Variants in KCND3 observed in about 807,000 individuals in gnomAD.
KCND3 encodes potassium voltage-gated channel subfamily D member 3, also known as A-type voltage-gated potassium channel KCND3.
KCND3 carries 9 observed loss-of-function variants against 51.1 expected under a neutral mutation model. The ratio of observed to expected loss-of-function variants is 0.18; its 90% CI spans 0.11 to 0.31. The LOEUF is 0.31. Among genes scored for constraint, KCND3 ranks in the 10% least tolerant of loss-of-function variants. The pLI, the probability that KCND3 is intolerant of heterozygous loss-of-function variation, is 1.00. For synonymous variants in KCND3, 349 were observed against 368.0 expected (o/e 0.95, Z 0.59); for missense variants, 526 against 903.8 (o/e 0.58, Z 5.36).
intron 2 of KCND3, among the ~76,000 whole-genome samples, chr1:111,874,419 T>C: frequency 6.6e-6 from 1 of 152,152 alleles, no homozygotes. Flanking sequence ...GTTCTTTTCT[T>C]TGTTGTTTGG....
intron 6 of KCND3, among the ~76,000 whole-genome samples, 180 bp from the exon 7 acceptor site, chr1:111,777,453 A>G (rs1415380172): frequency 6.6e-6 from 1 of 152,218 alleles, no homozygotes; most frequent in Admixed American, 6.5e-5. Context: ...ATGAGGACAG[A>G]AAGAGAATCA....
chr1:111,976,475 A>G (rs1331123539), intron 2 of KCND3, among the ~76,000 whole-genome samples: 1 of 152,266 alleles, frequency 6.6e-6, no homozygotes, highest in Non-Finnish European at 1.5e-5. Flanking sequence ...ATCAAATGAG[A>G]AAACTAAAGC....
At chr1:111,902,141 T>G (rs943844561) in intron 2 of KCND3, among the ~76,000 whole-genome samples, 2 of 152,038 alleles carry the variant, frequency 1.3e-5, no homozygotes, top group African/African-American at 4.8e-5. Context: ...ACCTGGCCAG[T>G]GGGTCCGAGA....
At chr1:111,776,962 A>G (rs993263038) in intron 7 of KCND3, 64 bp downstream of exon 7, 11 of 1,609,608 alleles carry the variant, frequency 6.8e-6, no homozygotes, top group South Asian at 5.5e-5. Context: ...TAATGCTGCA[A>G]TTGTCTAATT....
chr1:111,918,757 T>C (rs191606166), intron 2 of KCND3, among the ~76,000 whole-genome samples: 1 of 152,282 alleles, frequency 6.6e-6, no homozygotes, highest in Non-Finnish European at 1.5e-5. Flanking sequence ...GGAAGTACTT[T>C]TCCAGGCTGG....
At chr1:111,782,047 TAGA>T (rs1340749636) in intron 3 of KCND3, among the ~76,000 whole-genome samples, 1 of 151,752 alleles carries the variant, frequency 6.6e-6, no homozygotes, top group African/African-American at 2.4e-5. Context: ...CATCCTGGAG[TAGA>T]AGGTCCCTCC....
intron 2 of KCND3, among the ~76,000 whole-genome samples, chr1:111,893,692 G>C (rs897699268): frequency 1.3e-5 from 2 of 152,172 alleles, no homozygotes; most frequent in Non-Finnish European, 1.5e-5. Context: ...TGACCTATCA[G>C]AGGTGAACAA....
chr1:111,913,767 G>C (rs564111306), intron 2 of KCND3, among the ~76,000 whole-genome samples: 2 of 152,196 alleles, frequency 1.3e-5, no homozygotes, highest in African/African-American at 4.8e-5. Flanking sequence ...GTAGTGGTGT[G>C]TACCTCTGAT....
chr1:111,844,111 G>A (rs757606819), intron 2 of KCND3, among the ~76,000 whole-genome samples: 2 of 152,240 alleles, frequency 1.3e-5, no homozygotes, highest in African/African-American at 2.4e-5. Context: ...CTCTCAGGAT[G>A]GGAGCAAGGC....
chr1:111,890,758 G>T (rs2101761151), intron 2 of KCND3, among the ~76,000 whole-genome samples: 1 of 152,268 alleles, frequency 6.6e-6, no homozygotes, highest in South Asian at 2.1e-4. Flanking sequence ...GAACAGCAAG[G>T]TGGGTAGACC....
At chr1:111,921,383 G>C (rs79519768) in intron 2 of KCND3, among the ~76,000 whole-genome samples, 4 of 152,178 alleles carry the variant, frequency 2.6e-5, no homozygotes, top group Non-Finnish European at 5.9e-5. Context: ...AAGGCCAGGC[G>C]GTTAACAGAC....
In KCND3 at chr1:111,780,163, A is replaced by G. The variant is rs1664307392; in HGVS notation, c.1461+62T>C. On this transcript the variant is annotated intron_variant, in intron 5 of 7. Transcript: ENST00000302127. This position sits in a 1 kb window ranked among gnomAD's most constrained non-coding sequence, Gnocchi z 4.2. ...TCTGGCCCAGAGTGAAGATGTGAGT[A>G]CAGCCTTAGAAAAGGGTCAGGGTCA... The G allele has an allele frequency of 2.1e-6, 3 of 1,454,810 alleles. No individual in the cohort carries two copies. The highest frequency in any genetic ancestry group is 4.9e-5 in the East Asian group (2 of 40,572). 90.1% of individuals were successfully genotyped at this position (1,454,810 alleles called of 1,614,324 possible). A position where few individuals can be genotyped will look rare whatever the true frequency, so the allele number is the denominator to read the frequency against.
chr1:111,827,076 G>C lies in KCND3; in HGVS notation c.1107-39970C>G, dbSNP rs188772506. ...AAGTTTCAGATTTTGAAGTGTTTCA[G>C]ATTTGGAATTTTGGGATTAGGAATA... is the stretch of plus-strand genomic sequence containing the variant. On this transcript the variant is annotated intron_variant, in intron 2 of 7. Coordinates refer to ENST00000302127, the MANE Select transcript of KCND3 (RefSeq NM_001378969.1). 5.1e-3 allele frequency among the ~76,000 whole-genome samples: 774 copies of C among 152,324 alleles called. 2 individuals carry two copies. The highest frequency in any genetic ancestry group is 8.5e-3 in the Non-Finnish European group (578 of 68,034).
chr1:111,892,996 A>C (rs1173526220), intron 2 of KCND3, among the ~76,000 whole-genome samples: 2 of 152,182 alleles, frequency 1.3e-5, no homozygotes, highest in African/African-American at 4.8e-5. Context: ...TGATTAGACA[A>C]CTTGGCTTTT....
At chr1:111,935,933 A>G (rs1190354699) in intron 2 of KCND3, among the ~76,000 whole-genome samples, 1 of 152,202 alleles carries the variant, frequency 6.6e-6, no homozygotes, top group Non-Finnish European at 1.5e-5. Flanking sequence ...AATCATCCCA[A>G]CAAATGTGCT....
chr1:111,826,279 T>G (rs1666567504), intron 2 of KCND3, among the ~76,000 whole-genome samples: 1 of 152,172 alleles, frequency 6.6e-6, no homozygotes, highest in African/African-American at 2.4e-5. Context: ...TCATTAGAGG[T>G]TTCCCAGGTA....
At chr1:111,785,569 A>G (rs947140622) in intron 3 of KCND3, among the ~76,000 whole-genome samples, 2 of 152,230 alleles carry the variant, frequency 1.3e-5, no homozygotes, top group Non-Finnish European at 2.9e-5. Context: ...GGAGCCAACC[A>G]TAAAGGCACA....
In KCND3 at chr1:111,982,917, A is replaced by G. The variant is rs142774938; in HGVS notation, c.-72-119T>C. On this transcript the variant is annotated intron_variant, in intron 1 of 7. Coordinates refer to ENST00000302127, the MANE Select transcript of KCND3 (RefSeq NM_001378969.1). The surrounding 1 kb of genome is among the most constrained non-coding windows in gnomAD (Gnocchi z 8.5). Reference sequence around the variant, plus strand: ...CGGCCAAAGTCTCCAGGGCAGATTAATAAAACTGAAATCCCCACCACAGAG... The same window carrying G: ...CGGCCAAAGTCTCCAGGGCAGATTAGTAAAACTGAAATCCCCACCACAGAG... The G allele has an allele frequency of 1.2e-3, 896 of 737,296 alleles. 6 individuals carry two copies. The African/African-American group carries it at 0.014, about 12-fold the overall frequency. The allele number at this position is 737,296 out of a possible 1,614,324, so 45.7% of individuals were successfully genotyped here. A position where few individuals can be genotyped will look rare whatever the true frequency, so the allele number is the denominator to read the frequency against.
rs559516064 is a variant in KCND3 at position 111,771,528 on chromosome 1, T to C, written c.*4549A>G. 3 of 152,348 alleles carry C rather than the reference T, an allele frequency of 2.0e-5. No individual in the cohort carries two copies. In the East Asian group the frequency reaches 5.8e-4, roughly 29 times the overall value. 9.4% of individuals were successfully genotyped at this position (152,348 alleles called of 1,614,324 possible). A position where few individuals can be genotyped will look rare whatever the true frequency, so the allele number is the denominator to read the frequency against. ...GGGAGACTGGAAAACTGGAATTCTT[T>C]AGTAACCTCGAAATCTAGTGTTAGC... On this transcript the variant is annotated 3_prime_UTR_variant, in exon 8 of 8. Coordinates refer to ENST00000302127, the MANE Select transcript of KCND3 (RefSeq NM_001378969.1).
Sources: allele counts gnomAD v4.1 joint callset (sites outside exome capture counted in the v4.1 genomes callset), GRCh38; gene constraint gnomAD v4.1.1; non-coding constraint Gnocchi (gnomAD v3.1); transcripts MANE v1.5; gene names NCBI Gene and HGNC (gene_info 2026-07-23, HGNC 2026-07-21).